The following PRDM5 variants were observed in gnomAD, a reference collection of about 807,000 sequenced individuals.
PRDM5 encodes PR/SET domain 5.
PRDM5 carries 56 observed loss-of-function variants against 81.2 expected under a neutral mutation model. The observed-to-expected ratio is 0.69, with a 90% CI of 0.56 to 0.86. The LOEUF (loss-of-function observed/expected upper bound fraction) is 0.86. PRDM5 is among the 40% of genes least tolerant of loss of function. The pLI, the probability that PRDM5 is intolerant of heterozygous loss-of-function variation, is 0.00. For synonymous variants in PRDM5, 267 were observed against 256.4 expected (o/e 1.04, Z -0.39); for missense variants, 697 against 770.1 (o/e 0.91, Z 1.12).
At chr4:120,872,506 C>T (rs1761934692) in intron 2 of PRDM5, among the ~76,000 whole-genome samples, 1 of 152,110 alleles carries the variant, frequency 6.6e-6, no homozygotes, top group Non-Finnish European at 1.5e-5. Context: ...GTAGCCAAAT[C>T]CTTAGAGGCC....
At chr4:120,710,047 T>C (rs1210980856) in intron 15 of PRDM5, among the ~76,000 whole-genome samples, 1 of 152,156 alleles carries the variant, frequency 6.6e-6, no homozygotes, top group African/African-American at 2.4e-5. Context: ...CTCAACGGTA[T>C]TAAAACAGGG....
chr4:120,854,953 A>G (rs1759707183), intron 2 of PRDM5, among the ~76,000 whole-genome samples: 1 of 152,124 alleles, frequency 6.6e-6, no homozygotes, highest in Non-Finnish European at 1.5e-5. Flanking sequence ...GAAGGTTATG[A>G]GGCTGGAACA....
intron 2 of PRDM5, among the ~76,000 whole-genome samples, chr4:120,873,118 T>A (rs1028780768): frequency 2.0e-5 from 3 of 152,112 alleles, no homozygotes; most frequent in Admixed American, 6.5e-5. Context: ...TCTCATGACT[T>A]AGCCTCCCAA....
intron 15 of PRDM5, among the ~76,000 whole-genome samples, chr4:120,709,065 A>T (rs1736588927): frequency 6.6e-6 from 1 of 152,204 alleles, no homozygotes; most frequent in South Asian, 2.1e-4. Flanking sequence ...ATAGTTTCAA[A>T]AAACATAACA....
chr4:120,921,609 C>A (rs1376599915), intron 1 of PRDM5, among the ~76,000 whole-genome samples: 6 of 152,302 alleles, frequency 3.9e-5, no homozygotes, highest in Non-Finnish European at 1.5e-5. Context: ...CAAGCCTGTT[C>A]TTGCCCAAAC....
At chr4:120,783,859 A>T (rs747191864) in intron 11 of PRDM5, among the ~76,000 whole-genome samples, 2 of 152,120 alleles carry the variant, frequency 1.3e-5, no homozygotes, top group African/African-American at 2.4e-5. Context: ...TTATTTTAAG[A>T]AATCTTAGTA....
At chr4:120,862,892 C>T (rs1048949089) in intron 2 of PRDM5, among the ~76,000 whole-genome samples, 1 of 151,990 alleles carries the variant, frequency 6.6e-6, no homozygotes, top group African/African-American at 2.4e-5. Flanking sequence ...AGTGCAGTAG[C>T]TCACGCCTGT....
intron 3 of PRDM5, among the ~76,000 whole-genome samples, chr4:120,852,699 A>C (rs540618023): frequency 1.3e-5 from 2 of 151,718 alleles, no homozygotes; most frequent in Non-Finnish European, 2.9e-5. Context: ...ACATGTATAC[A>C]CACATATATA....
chr4:120,704,390 G>C (rs1735813683), intron 15 of PRDM5, among the ~76,000 whole-genome samples: 1 of 152,194 alleles, frequency 6.6e-6, no homozygotes, highest in Non-Finnish European at 1.5e-5. Flanking sequence ...CAACACGGAT[G>C]CTTCCTTTTC....
intron 14 of PRDM5, among the ~76,000 whole-genome samples, chr4:120,713,300 C>T (rs1246691127): frequency 1.3e-5 from 2 of 152,064 alleles, no homozygotes; most frequent in African/African-American, 4.8e-5. Flanking sequence ...CATCTTTTTG[C>T]TTTCAAACAG....
chr4:120,910,168 T>A (rs1233826248), intron 1 of PRDM5, among the ~76,000 whole-genome samples: 3 of 152,184 alleles, frequency 2.0e-5, no homozygotes, highest in Admixed American at 1.3e-4. Context: ...AAAACACTGA[T>A]AGGGGAGGTA....
chr4:120,834,158 A>C (rs376092582), intron 3 of PRDM5, among the ~76,000 whole-genome samples: 18 of 152,228 alleles, frequency 1.2e-4, no homozygotes, highest in African/African-American at 3.9e-4. Context: ...ACATTTGAAA[A>C]AACTAGTTGA....
chr4:120,921,263 C>A (rs187380082), intron 1 of PRDM5, among the ~76,000 whole-genome samples: 1 of 152,256 alleles, frequency 6.6e-6, no homozygotes, highest in Non-Finnish European at 1.5e-5. Context: ...ATTTGGCCTT[C>A]AAAAAATGTT....
In PRDM5 at chr4:120,695,235, C is replaced by A; in HGVS notation, c.1769G>T (p.Arg590Leu). Residue 590 changes from arginine (R) to leucine (L), a missense_variant, in exon 16 of 16, where the codon CGA becomes CTA. Physicochemically the swap from Arg to Leu is moderately radical, Grantham distance 102. Coordinates refer to ENST00000264808, the MANE Select transcript of PRDM5 (RefSeq NM_018699.4). ...LAFSLKKMLIRHKMTHNPNRP... is the reference protein window; with the variant it reads ...LAFSLKKMLILHKMTHNPNRP... ...ATTGGGATTATGAGTCATCTTGTGT[C>A]GAATCAGCATTTTCTTCAGGCTAAA... 6.2e-7 allele frequency: 1 copy of A among 1,613,458 alleles called. No individual in the cohort carries two copies. The highest frequency in any genetic ancestry group is 1.1e-5 in the South Asian group (1 of 91,056).
intron 2 of PRDM5, among the ~76,000 whole-genome samples, chr4:120,891,711 C>T (rs1411086029): frequency 6.6e-6 from 1 of 152,082 alleles, no homozygotes; most frequent in South Asian, 2.1e-4. Flanking sequence ...CTCGCCGCAA[C>T]CTCCGCCTTC....
intron 7 of PRDM5, among the ~76,000 whole-genome samples, chr4:120,815,473 G>T (rs186357053): frequency 6.6e-6 from 1 of 152,298 alleles, no homozygotes; most frequent in African/African-American, 2.4e-5. Flanking sequence ...ATGCAAAGTC[G>T]CAGCTAGCAG....
intron 8 of PRDM5, among the ~76,000 whole-genome samples, chr4:120,806,692 A>G (rs1220959441): frequency 6.6e-6 from 1 of 152,194 alleles, no homozygotes; most frequent in South Asian, 2.1e-4. Flanking sequence ...CTATACAAAA[A>G]TTAATTCAAG....
intron 1 of PRDM5, among the ~76,000 whole-genome samples, chr4:120,908,081 C>A (rs543223112): frequency 6.6e-6 from 1 of 152,362 alleles, no homozygotes; most frequent in South Asian, 2.1e-4. Flanking sequence ...TTAAACCATG[C>A]TTTCTTGAAG....
At chr4:120,838,968 AG>A in intron 3 of PRDM5, 2 of 520,932 alleles carry the variant, frequency 3.8e-6, no homozygotes, top group Non-Finnish European at 6.9e-6. Flanking sequence ...GGGCAGCTCC[AG>A]GTGCCAGCAC....
Sources: allele counts gnomAD v4.1 joint callset (sites outside exome capture counted in the v4.1 genomes callset), GRCh38; gene constraint gnomAD v4.1.1; transcripts MANE v1.5; gene names NCBI Gene and HGNC (gene_info 2026-07-23, HGNC 2026-07-21).